Variants in NEGR1 observed in about 807,000 individuals in gnomAD.
NEGR1 encodes the protein IgLON family member 4.
NEGR1 carries 10 observed loss-of-function variants against 40.9 expected under a neutral mutation model. That is an observed-to-expected ratio of 0.24 (90% CI 0.15 to 0.42). NEGR1 has a LOEUF of 0.42. Among genes scored for constraint, NEGR1 ranks in the 10% least tolerant of loss-of-function variants. The pLI, the probability that NEGR1 is intolerant of heterozygous loss-of-function variation, is 1.00. For missense variants in NEGR1, 352 were observed against 438.9 expected, an observed-to-expected ratio of 0.80 and a Z score of 1.77; for synonymous variants, 185 against 166.8, an observed-to-expected ratio of 1.11 and a Z score of -0.84.
At chr1:71,763,095 T>C (rs115706561) in intron 3 of NEGR1, among the ~76,000 whole-genome samples, 27 of 152,168 alleles carry the variant, frequency 1.8e-4, no homozygotes, top group African/African-American at 6.5e-4. Flanking sequence ...ACAAGAAAGA[T>C]CTTTGTGCTG....
chr1:71,919,690 G>T (rs1237813602), intron 2 of NEGR1, among the ~76,000 whole-genome samples: 2 of 152,036 alleles, frequency 1.3e-5, no homozygotes, highest in African/African-American at 4.8e-5. Context: ...GGGTAAAATT[G>T]TTCCTCAATA....
intron 4 of NEGR1, among the ~76,000 whole-genome samples, chr1:71,615,036 A>G (rs951783091): frequency 6.6e-6 from 1 of 152,224 alleles, no homozygotes; most frequent in South Asian, 2.1e-4. Flanking sequence ...ATAGAGTTAA[A>G]GGTCCAAGTG....
intron 2 of NEGR1, among the ~76,000 whole-genome samples, chr1:71,898,661 G>T (rs201568128): frequency 2.7e-4 from 35 of 130,454 alleles, no homozygotes; most frequent in South Asian, 6.7e-4. Flanking sequence ...AAACTGCTTT[G>T]TTTTTTTTTC....
intron 6 of NEGR1, among the ~76,000 whole-genome samples, chr1:71,553,975 C>A (rs1319524339): frequency 6.6e-6 from 1 of 151,404 alleles, no homozygotes; most frequent in East Asian, 2.0e-4. Flanking sequence ...GTAACTTAGG[C>A]TTACAGAAAA....
intron 1 of NEGR1, among the ~76,000 whole-genome samples, chr1:72,157,372 A>G (rs1368816488): frequency 6.6e-6 from 1 of 152,218 alleles, no homozygotes; most frequent in East Asian, 1.9e-4. Context: ...AGTGATAGAC[A>G]TTATGATAAA....
intron 1 of NEGR1, among the ~76,000 whole-genome samples, chr1:72,084,920 G>T (rs377732156): frequency 3.0e-4 from 45 of 152,294 alleles, no homozygotes; most frequent in African/African-American, 9.9e-4. Flanking sequence ...TTATAAAAGT[G>T]AGTATTAAAT....
intron 6 of NEGR1, among the ~76,000 whole-genome samples, chr1:71,481,536 A>C (rs1227185928): frequency 1.3e-5 from 2 of 151,888 alleles, no homozygotes; most frequent in African/African-American, 4.8e-5. Context: ...TTGAATATTA[A>C]AATAAAACAA....
chr1:71,917,497 A>G (rs954380888), intron 2 of NEGR1, among the ~76,000 whole-genome samples: 1 of 152,168 alleles, frequency 6.6e-6, no homozygotes, highest in Admixed American at 6.5e-5. Context: ...ATGCAAATGT[A>G]AAGAGTAAGT....
At chr1:71,895,836 T>C (rs1293344175) in intron 2 of NEGR1, among the ~76,000 whole-genome samples, 2 of 152,158 alleles carry the variant, frequency 1.3e-5, no homozygotes, top group South Asian at 2.1e-4. Context: ...CTGAATTATA[T>C]AGTAACTGTG....
chr1:72,275,183 G>A, intron 1 of NEGR1: 1 of 603,344 alleles, frequency 1.7e-6, no homozygotes, highest in Non-Finnish European at 3.0e-6. Flanking sequence ...AAATGACAAA[G>A]AAAAACAGAA....
At chr1:71,559,023 A>C (rs61764989) in intron 6 of NEGR1, among the ~76,000 whole-genome samples, 1 of 76,988 alleles carries the variant, frequency 1.3e-5, no homozygotes, top group African/African-American at 4.3e-5. Context: ...GTGTGTGTAT[A>C]TATATATATA....
intron 4 of NEGR1, among the ~76,000 whole-genome samples, chr1:71,684,499 T>C (rs1215229269): frequency 6.6e-6 from 1 of 152,128 alleles, no homozygotes. Flanking sequence ...TATTTTTGTG[T>C]GCGTGTGTGT....
chr1:71,953,722 C>T (rs1034868667), intron 1 of NEGR1, among the ~76,000 whole-genome samples: 1 of 151,980 alleles, frequency 6.6e-6, no homozygotes, highest in Admixed American at 6.6e-5. Flanking sequence ...GCAACCACCA[C>T]TCTGACCAGT....
rs113002209 is a variant in NEGR1, at chr1:72,251,154, GA to G, written c.176+31164del. On this transcript the variant is annotated intron_variant, in intron 1 of 6. Coordinates refer to ENST00000357731, the MANE Select transcript of NEGR1 (RefSeq NM_173808.3). ...TCCTGTTTACTAGAAATTCTCTTGT[GA>G]CTGTGTATGATAAAAAGTAGACTAT... Among the ~76,000 whole-genome samples, 307 of 152,292 alleles carry G rather than the reference GA, an allele frequency of 2.0e-3. 2 individuals carry two copies. Among genetic ancestry groups the G allele is most frequent in the African/African-American group, 6.8e-3 (283 of 41,556 alleles).
At position 72,048,669 on chromosome 1, in the gene NEGR1, A is replaced by C. The variant is rs373648835; in HGVS notation, c.177-113358T>G. Among the ~76,000 whole-genome samples the C allele has an allele frequency of 4.6e-5, 7 of 151,640 alleles. No homozygotes were observed. The South Asian group carries it at 6.2e-4, about 13-fold the overall frequency. ...TTCTCTAGGGATCTAATAAGGAATA[A>C]TACTACTTTTAAAATGCTCTTCTAG... On this transcript the variant is annotated intron_variant, in intron 1 of 6. Coordinates refer to ENST00000357731, the MANE Select transcript of NEGR1 (RefSeq NM_173808.3).
chr1:71,867,722 TATTA>T (rs1660159432), intron 2 of NEGR1, among the ~76,000 whole-genome samples: 1 of 152,162 alleles, frequency 6.6e-6, no homozygotes, highest in South Asian at 2.1e-4. Flanking sequence ...TCATGTTTAT[TATTA>T]ATTAACTGGC....
chr1:71,693,853 G>A (rs1239949297), intron 4 of NEGR1, among the ~76,000 whole-genome samples: 2 of 151,418 alleles, frequency 1.3e-5, no homozygotes, highest in Non-Finnish European at 3.0e-5. Context: ...TAAAGGGGTA[G>A]GTCTTCCACT....
At chr1:71,704,617 G>T (rs997876191) in intron 3 of NEGR1, among the ~76,000 whole-genome samples, 14 of 151,572 alleles carry the variant, frequency 9.2e-5, no homozygotes, top group Non-Finnish European at 1.3e-4. Flanking sequence ...TGAATATTTA[G>T]TATATGCAAT....
chr1:71,692,197 T>C (rs534933178), intron 4 of NEGR1, among the ~76,000 whole-genome samples: 1 of 151,850 alleles, frequency 6.6e-6, no homozygotes. Flanking sequence ...AAGTGTATCA[T>C]CATTGGAGAT....
Sources: gnomAD v4.1 joint callset for allele counts (sites outside exome capture counted in the v4.1 genomes callset) on GRCh38, gnomAD v4.1.1 for gene constraint, MANE v1.5 for transcripts, NCBI Gene and HGNC (gene_info 2026-07-23, HGNC 2026-07-21) for gene names.